The following SIAH3 variants were observed in gnomAD, a reference collection of about 807,000 sequenced individuals.
SIAH3 encodes seven in absentia homolog 3.
Under a neutral mutation model 12.6 loss-of-function variants are expected in SIAH3, and 9 were observed. That is an observed-to-expected ratio of 0.72 (90% CI 0.43 to 1.25). The LOEUF (loss-of-function observed/expected upper bound fraction) is 1.25, where lower values mean the gene tolerates loss of function less well. SIAH3 is among the 50% of genes most tolerant of loss of function. SIAH3 has a pLI of 0.00. For synonymous variants in SIAH3, 154 were observed against 151.1 expected (o/e 1.02, Z -0.14); for missense variants, 390 against 365.4 (o/e 1.07, Z -0.55).
chr13:45,833,343 C>T (rs1248802015), intron 1 of SIAH3, among the ~76,000 whole-genome samples: 1 of 152,176 alleles, frequency 6.6e-6, no homozygotes, highest in Admixed American at 6.5e-5. Context: ...AGAGCTATCC[C>T]TCCCAGGGCC....
intron 1 of SIAH3, among the ~76,000 whole-genome samples, chr13:45,843,167 G>A (rs1259642141): frequency 4.6e-5 from 7 of 151,788 alleles, no homozygotes; most frequent in East Asian, 3.9e-4. Flanking sequence ...GCCCTTCCTC[G>A]ATTCCAGAGG....
rs112801594 is a variant in SIAH3, at chr13:45,780,204, C to G, written c.*3179G>C. 1.3e-5 allele frequency: 2 copies of G among 152,024 alleles called. No homozygotes were observed. The highest frequency in any genetic ancestry group is 1.9e-4 in the East Asian group (1 of 5,176). 9.4% of individuals were successfully genotyped at this position (152,024 alleles called of 1,614,324 possible). A position where few individuals can be genotyped will look rare whatever the true frequency, so the allele number is the denominator to read the frequency against. On this transcript the variant is annotated 3_prime_UTR_variant, in exon 2 of 2. Transcript: ENST00000400405. ...GCAAAGGGATTCAGAAAGGGCCTGG[C>G]GCACTGAAGCCTCCATCTGCAGCCC...
chr13:45,829,917 T>C (rs1027454036), intron 1 of SIAH3, among the ~76,000 whole-genome samples: 7 of 152,164 alleles, frequency 4.6e-5, no homozygotes, highest in Non-Finnish European at 7.3e-5. Context: ...GGTGCAGCTT[T>C]CCTGTCTGGC....
At chr13:45,788,780 T>G (rs1950535934) in intron 1 of SIAH3, among the ~76,000 whole-genome samples, 1 of 152,204 alleles carries the variant, frequency 6.6e-6, no homozygotes, top group Non-Finnish European at 1.5e-5. Flanking sequence ...CCAGGAACAG[T>G]GCCATGCATT....
intron 1 of SIAH3, among the ~76,000 whole-genome samples, chr13:45,842,842 T>C (rs1465333428): frequency 6.6e-6 from 1 of 152,160 alleles, no homozygotes; most frequent in Non-Finnish European, 1.5e-5. Context: ...CTTAACTCTT[T>C]CCTGAAGCTG....
chr13:45,801,646 T>A (rs1459937724), intron 1 of SIAH3, among the ~76,000 whole-genome samples: 1 of 152,204 alleles, frequency 6.6e-6, no homozygotes, highest in African/African-American at 2.4e-5. Context: ...GGTCAACATA[T>A]ACTTAATAAC....
At chr13:45,824,472 C>T (rs1015716823) in intron 1 of SIAH3, among the ~76,000 whole-genome samples, 3 of 152,162 alleles carry the variant, frequency 2.0e-5, no homozygotes, top group African/African-American at 7.2e-5. Flanking sequence ...CTGTCACTGG[C>T]CATTTTCTTC....
At position 45,802,615 on chromosome 13, in the gene SIAH3, G is replaced by A. The variant is rs138682164; in HGVS notation, c.136-18558C>T. On this transcript the variant is annotated intron_variant, in intron 1 of 1. Coordinates refer to ENST00000400405, the MANE Select transcript of SIAH3 (RefSeq NM_198849.3). ...CCCAACTGATACCTTGGGATAGGCC[G>A]TGGGGACACTCTGGGATAATGCAAT... Among the ~76,000 whole-genome samples the A allele has an allele frequency of 4.7e-3, 713 of 152,306 alleles. 2 individuals carry two copies. Among genetic ancestry groups the A allele is most frequent in the African/African-American group, 0.016 (675 of 41,574 alleles).
Position 45,781,482 on chromosome 13 carries a change from G to C in SIAH3, c.*1901C>G, listed in dbSNP as rs1055474630. ...GCATCTGTGTGATTGGAGGAGGGTG[G>C]CTGGTGCCCTGGCAGGGCATCTGAG... On this transcript the variant is annotated 3_prime_UTR_variant, in exon 2 of 2. Coordinates refer to ENST00000400405, the MANE Select transcript of SIAH3 (RefSeq NM_198849.3). The C allele has an allele frequency of 2.0e-5, 3 of 152,362 alleles. No individual in the cohort carries two copies. Among genetic ancestry groups the C allele is most frequent in the Admixed American group, 6.5e-5 (1 of 15,306 alleles). The allele number at this position is 152,362 out of a possible 1,614,324, so 9.4% of individuals were successfully genotyped here. A position where few individuals can be genotyped will look rare whatever the true frequency, so the allele number is the denominator to read the frequency against.
chr13:45,804,378 C>T (rs1950591911), intron 1 of SIAH3, among the ~76,000 whole-genome samples: 1 of 151,962 alleles, frequency 6.6e-6, no homozygotes, highest in African/African-American at 2.4e-5. Context: ...TAGGCAAATG[C>T]ACAGATACAG....
chr13:45,785,578 A>G (rs1410852270), intron 1 of SIAH3, among the ~76,000 whole-genome samples: 1 of 152,250 alleles, frequency 6.6e-6, no homozygotes, highest in East Asian at 1.9e-4. Context: ...ATGCATGCAT[A>G]CACACACGCT....
At position 45,843,034 on chromosome 13, in the gene SIAH3, C is replaced by CTCTCTGTGTGTGTG. The variant is rs560128772; in HGVS notation, c.135+8460_135+8461insCACACACACAGAGA. ...TGCCATTATTTCTCTCTCTCTCTCT[C>CTCTCTGTGTGTGTG]TGTGTGTGTGTGTGTGTGTGTGTGT... is the stretch of plus-strand genomic sequence containing the variant. On this transcript the variant is annotated intron_variant, in intron 1 of 1. Transcript: ENST00000400405. Among the ~76,000 whole-genome samples the CTCTCTGTGTGTGTG allele has an allele frequency of 8.6e-5, 12 of 139,288 alleles. No individual in the cohort carries two copies. The East Asian group carries it at 2.8e-3, about 32-fold the overall frequency. The allele number at this position is 139,288 out of a possible 152,430, so 91.4% of individuals were successfully genotyped here. A position where few individuals can be genotyped will look rare whatever the true frequency, so the allele number is the denominator to read the frequency against.
intron 1 of SIAH3, among the ~76,000 whole-genome samples, chr13:45,823,625 A>G (rs2137571836): frequency 6.6e-6 from 1 of 152,338 alleles, no homozygotes; most frequent in Middle Eastern, 3.4e-3. Context: ...CAAGCACTTG[A>G]AAGATTTTGG....
intron 1 of SIAH3, among the ~76,000 whole-genome samples, chr13:45,800,512 A>G (rs566147833): frequency 2.6e-5 from 4 of 152,268 alleles, no homozygotes; most frequent in African/African-American, 7.2e-5. Context: ...CACTGTGTCG[A>G]TTTCTTTTGG....
At chr13:45,846,238 C>T (rs954282279) in intron 1 of SIAH3, among the ~76,000 whole-genome samples, 3 of 151,576 alleles carry the variant, frequency 2.0e-5, no homozygotes, top group Admixed American at 6.6e-5. Context: ...TACAGGTGCC[C>T]GCCACCATGC....
intron 1 of SIAH3, among the ~76,000 whole-genome samples, chr13:45,829,598 G>A (rs928131873): frequency 1.3e-5 from 2 of 152,262 alleles, no homozygotes; most frequent in South Asian, 4.1e-4. Flanking sequence ...GACAGACCAA[G>A]ACCCTGACTC....
intron 1 of SIAH3, among the ~76,000 whole-genome samples, chr13:45,786,088 T>C (rs1481462606): frequency 6.6e-6 from 1 of 152,212 alleles, no homozygotes; most frequent in Non-Finnish European, 1.5e-5. Flanking sequence ...TGCCTGCTGG[T>C]GGCATGGACC....
rs556195880 is a variant in SIAH3 at position 45,829,909 on chromosome 13, T to C, written c.135+21586A>G. On this transcript the variant is annotated intron_variant, in intron 1 of 1. Coordinates refer to ENST00000400405, the MANE Select transcript of SIAH3 (RefSeq NM_198849.3). ...ACCCCAGGAGCCTTCTGTCCCGGGG[T>C]GCAGCTTTCCTGTCTGGCTGCGGTA... Among the ~76,000 whole-genome samples, 8 of 152,212 alleles carry C rather than the reference T, an allele frequency of 5.3e-5. No homozygotes were observed. In the East Asian group the frequency reaches 1.2e-3, roughly 22 times the overall value.
intron 1 of SIAH3, among the ~76,000 whole-genome samples, chr13:45,810,258 G>A (rs1950611884): frequency 6.6e-6 from 1 of 152,164 alleles, no homozygotes; most frequent in Non-Finnish European, 1.5e-5. Flanking sequence ...TCACTGGGAC[G>A]CTCCATCATG....
Sources: gnomAD v4.1 joint callset for allele counts (sites outside exome capture counted in the v4.1 genomes callset) on GRCh38, gnomAD v4.1.1 for gene constraint, MANE v1.5 for transcripts, NCBI Gene and HGNC (gene_info 2026-07-23, HGNC 2026-07-21) for gene names.